The following KALRN variants were observed in gnomAD, a reference collection of about 807,000 sequenced individuals.
KALRN encodes the protein kalirin RhoGEF kinase.
In KALRN, 70 loss-of-function variants were observed where a neutral mutation model predicts 353.7. That is an observed-to-expected ratio of 0.20 (90% confidence interval 0.16 to 0.24). The LOEUF (loss-of-function observed/expected upper bound fraction) is 0.24, where lower values mean the gene tolerates loss of function less well. Ranked by LOEUF, KALRN falls within the 10% of genes least tolerant of loss-of-function variation. KALRN has a pLI of 1.00. For synonymous variants in KALRN, 1,391 were observed against 1,434.8 expected, an observed-to-expected ratio of 0.97 and a Z score of 0.69; for missense variants, 2,791 against 3,756.7, an observed-to-expected ratio of 0.74 and a Z score of 6.72.
chr3:124,402,257 T>C (rs2090967682), intron 13 of KALRN, among the ~76,000 whole-genome samples: 1 of 152,234 alleles, frequency 6.6e-6, no homozygotes, highest in Non-Finnish European at 1.5e-5. Flanking sequence ...TCATAGGGCA[T>C]GCCCACATAA....
intron 6 of KALRN, among the ~76,000 whole-genome samples, chr3:124,322,303 C>T (rs2079415317): frequency 6.6e-6 from 1 of 152,210 alleles, no homozygotes; most frequent in Non-Finnish European, 1.5e-5. Context: ...TGTCTGCGAT[C>T]ATTAGGTCGA....
chr3:124,621,628 C>G (rs1044132587), intron 34 of KALRN, among the ~76,000 whole-genome samples: 4 of 152,202 alleles, frequency 2.6e-5, no homozygotes, highest in South Asian at 2.1e-4. Flanking sequence ...TCTAGCTCCC[C>G]CCACTTCCCG....
chr3:124,240,113 C>T (rs1318600358), intron 3 of KALRN, among the ~76,000 whole-genome samples: 2 of 152,192 alleles, frequency 1.3e-5, no homozygotes, highest in African/African-American at 4.8e-5. Context: ...AGTTAGGTGT[C>T]CCTATTGTTG....
chr3:124,056,139 G>T (rs942386279), intron 1 of KALRN, among the ~76,000 whole-genome samples: 1 of 152,222 alleles, frequency 6.6e-6, no homozygotes, highest in Admixed American at 6.5e-5. Context: ...CCCTTTCAGG[G>T]TTGTTTAACT....
chr3:124,161,543 G>C (rs2069955004), intron 1 of KALRN, among the ~76,000 whole-genome samples: 1 of 152,212 alleles, frequency 6.6e-6, no homozygotes. Context: ...TATCCCAGTA[G>C]GTCAAGGTGA....
intron 1 of KALRN, among the ~76,000 whole-genome samples, chr3:124,187,485 T>G (rs1454346212): frequency 6.6e-6 from 1 of 152,158 alleles, no homozygotes; most frequent in Admixed American, 6.5e-5. Flanking sequence ...CTGTTCAGTC[T>G]CTATTGGCAG....
chr3:124,535,469 A>T (rs2068430471), intron 33 of KALRN, among the ~76,000 whole-genome samples: 1 of 152,204 alleles, frequency 6.6e-6, no homozygotes, highest in South Asian at 2.1e-4. Flanking sequence ...AGTCTGCTTC[A>T]ATCTGTCTGG....
intron 33 of KALRN, among the ~76,000 whole-genome samples, chr3:124,557,262 G>A (rs149816916): frequency 6.6e-6 from 1 of 152,110 alleles, no homozygotes; most frequent in Non-Finnish European, 1.5e-5. Flanking sequence ...TTAGTATTGG[G>A]GCAGGGGGGC....
rs554044271 is a variant in KALRN, at chr3:124,152,330, A to G, written c.74-75660A>G. 1,283 of 1,228,414 alleles carry G rather than the reference A, an allele frequency of 1.0e-3. 1 individual carries two copies. The highest frequency in any genetic ancestry group is 1.3e-3 in the Non-Finnish European group (1,105 of 841,242). 76.1% of individuals were successfully genotyped at this position (1,228,414 alleles called of 1,614,324 possible). On this transcript the variant is annotated intron_variant, in intron 1 of 59. Transcript: ENST00000682506. ...ATTGAAGTCTTGTTAAGCTTCACAAAGGTTCCATTGAAGATTTGACGAAGG... is the reference window on the plus strand; with the variant it reads ...ATTGAAGTCTTGTTAAGCTTCACAAGGGTTCCATTGAAGATTTGACGAAGG...
chr3:124,592,969 G>A (rs576124885), intron 34 of KALRN, among the ~76,000 whole-genome samples: 1 of 152,296 alleles, frequency 6.6e-6, no homozygotes, highest in African/African-American at 2.4e-5. Flanking sequence ...GAAGGGGAGG[G>A]AAACCCCTTC....
At chr3:124,361,270 T>C (rs1450677008) in intron 10 of KALRN, among the ~76,000 whole-genome samples, 1 of 152,238 alleles carries the variant, frequency 6.6e-6, no homozygotes, top group Non-Finnish European at 1.5e-5. Context: ...TATCTTTTTA[T>C]GTTTAATTAC....
chr3:124,347,249 T>C lies in KALRN; in HGVS notation c.1754T>C (p.Phe585Ser). 1 of 1,606,374 alleles carries C rather than the reference T, an allele frequency of 6.2e-7. No individual in the cohort carries two copies. Among genetic ancestry groups the C allele is most frequent in the Non-Finnish European group, 8.5e-7 (1 of 1,177,424 alleles). Residue 585 changes from phenylalanine to serine, a missense_variant, in exon 10 of 60, where the codon TTT (phenylalanine) becomes TCT (serine). This residue lies in a region of KALRN where 15 missense variants were observed against 54.6 expected (regional missense o/e 0.27). Coordinates refer to ENST00000682506, the MANE Select transcript of KALRN (RefSeq NM_001388419.1). Reference sequence around the variant, plus strand: ...GCCCTGCAGAAGAGGCATGATGACTTTGAAGAGGTGGCTCAGGTGAGAAGC... The same window carrying C: ...GCCCTGCAGAAGAGGCATGATGACTCTGAAGAGGTGGCTCAGGTGAGAAGC... ...ARALQKRHDD[F>S]EEVAQNTYTN...
At chr3:124,328,803 G>A (rs1238431953) in intron 7 of KALRN, among the ~76,000 whole-genome samples, 1 of 152,198 alleles carries the variant, frequency 6.6e-6, no homozygotes, top group Admixed American at 6.5e-5. Flanking sequence ...GACTGGTTTG[G>A]ATCAGAAGCG....
At position 124,724,773 on chromosome 3, in the gene KALRN, A is replaced by C. The variant is rs1454625252; in HGVS notation, c.*5303A>C. 1 of 152,238 alleles carries C rather than the reference A, an allele frequency of 6.6e-6. No homozygotes were observed. The highest frequency in any genetic ancestry group is 1.5e-5 in the Non-Finnish European group (1 of 68,040). 9.4% of individuals were successfully genotyped at this position (152,238 alleles called of 1,614,324 possible). The stretch of plus-strand genomic sequence containing the variant: ...GAAAGGCATTTCTTCCTCATCTTCA[A>C]TAAATATGAAGAAGTTAGAGGAGAG... On this transcript the variant is annotated 3_prime_UTR_variant, in exon 60 of 60. Coordinates refer to ENST00000682506, the MANE Select transcript of KALRN (RefSeq NM_001388419.1).
intron 1 of KALRN, among the ~76,000 whole-genome samples, chr3:124,136,316 G>T (rs145356962): frequency 1.3e-5 from 2 of 152,118 alleles, no homozygotes; most frequent in East Asian, 3.9e-4. Context: ...TACCTTCAGC[G>T]TTTCTGATTC....
At chr3:124,485,316 C>A (rs567408205) in intron 28 of KALRN, among the ~76,000 whole-genome samples, 11 of 152,194 alleles carry the variant, frequency 7.2e-5, no homozygotes, top group Non-Finnish European at 1.2e-4. Flanking sequence ...AACTAAGATG[C>A]AGTTCTAAAA....
At chr3:124,412,173 G>A (rs2092215550) in intron 13 of KALRN, among the ~76,000 whole-genome samples, 1 of 152,170 alleles carries the variant, frequency 6.6e-6, no homozygotes. Context: ...ACCCCAGCAT[G>A]GAATATAAGA....
At chr3:124,277,270 G>C (rs1007490286) in intron 5 of KALRN, among the ~76,000 whole-genome samples, 1 of 152,160 alleles carries the variant, frequency 6.6e-6, no homozygotes, top group Non-Finnish European at 1.5e-5. Context: ...AGGCCTTTAC[G>C]GGGTGGTTGT....
intron 6 of KALRN, among the ~76,000 whole-genome samples, chr3:124,303,965 T>G (rs79824157): frequency 0.017 from 2,580 of 152,172 alleles, 117 homozygotes; most frequent in East Asian, 0.13. Flanking sequence ...GGCAGGCAGG[T>G]GGTCTCCCAA....
Sources: allele counts gnomAD v4.1 joint callset (sites outside exome capture counted in the v4.1 genomes callset), GRCh38; gene constraint gnomAD v4.1.1; regional missense constraint gnomAD v4.1.1; transcripts MANE v1.5; gene names NCBI Gene and HGNC (gene_info 2026-07-23, HGNC 2026-07-21).